CRPPA: variants seen among roughly 807,000 people sequenced by gnomAD.
CRPPA encodes D-ribitol-5-phosphate cytidylyltransferase.
A neutral mutation model predicts 52.0 loss-of-function variants in CRPPA; 43 were observed. The ratio of observed to expected loss-of-function variants is 0.83; its 90% CI spans 0.65 to 1.07. The LOEUF is 1.07. Among genes scored for constraint, CRPPA ranks in the 50% least tolerant of loss-of-function variants. CRPPA has a pLI of 0.00. For missense variants in CRPPA, 629 were observed against 551.7 expected (o/e 1.14, Z -1.40); for synonymous variants, 250 against 203.5 (o/e 1.23, Z -1.94).
At chr7:16,092,395 T>A (rs6960138) in intron 9 of CRPPA, among the ~76,000 whole-genome samples, 92,707 of 152,102 alleles carry the variant, frequency 0.61, 33,677 homozygotes, top group Non-Finnish European at 0.8. Context: ...ATCTTTCAGG[T>A]CTCTGTGTTG....
chr7:16,231,893 A>T (rs189194828), intron 8 of CRPPA, among the ~76,000 whole-genome samples: 1 of 152,318 alleles, frequency 6.6e-6, no homozygotes, highest in Non-Finnish European at 1.5e-5. Flanking sequence ...CTGTACATGT[A>T]CCCCATCCTA....
At chr7:16,108,769 C>T (rs1782203991) in intron 9 of CRPPA, among the ~76,000 whole-genome samples, 1 of 151,692 alleles carries the variant, frequency 6.6e-6, no homozygotes, top group South Asian at 2.1e-4. Context: ...TTTCTGACCA[C>T]ATAGTGTAAT....
intron 9 of CRPPA, among the ~76,000 whole-genome samples, chr7:16,145,237 G>A (rs73056352): frequency 0.071 from 10,797 of 152,234 alleles, 648 homozygotes; most frequent in South Asian, 0.3. Flanking sequence ...ACACTAATCT[G>A]TGCCCCTAGT....
At chr7:16,246,418 T>C (rs936373949) in intron 8 of CRPPA, among the ~76,000 whole-genome samples, 12 of 152,188 alleles carry the variant, frequency 7.9e-5, no homozygotes, top group Admixed American at 7.2e-4. Flanking sequence ...CCATGAGGTT[T>C]GGATTATGAC....
chr7:16,393,406 G>C (rs572448398), intron 2 of CRPPA, among the ~76,000 whole-genome samples: 6 of 152,206 alleles, frequency 3.9e-5, no homozygotes, highest in South Asian at 2.1e-4. Context: ...GACCAACAGC[G>C]TGGAAGAGAG....
chr7:16,285,750 C>T (rs1431361426), intron 5 of CRPPA, among the ~76,000 whole-genome samples: 3 of 151,440 alleles, frequency 2.0e-5, no homozygotes, highest in South Asian at 2.1e-4. Context: ...TGGCCAGGCG[C>T]GGTAGCTCAC....
intron 8 of CRPPA, among the ~76,000 whole-genome samples, chr7:16,224,396 T>C (rs934565730): frequency 6.6e-6 from 1 of 152,184 alleles, no homozygotes; most frequent in Non-Finnish European, 1.5e-5. Flanking sequence ...TTGCAGAGTC[T>C]ATGTTCACAA....
In CRPPA at chr7:16,286,078, TATAATATTTAAAAAAAAAA is replaced by T. The variant is rs1784436970; in HGVS notation, c.836-7871_836-7853del. 1.5e-4 allele frequency among the ~76,000 whole-genome samples: 3 copies of T among 19,356 alleles called. 1 individual carries two copies. Among genetic ancestry groups the T allele is most frequent in the African/African-American group, 9.1e-4 (2 of 2,192 alleles). 12.7% of individuals were successfully genotyped at this position (19,356 alleles called of 152,430 possible). A position where few individuals can be genotyped will look rare whatever the true frequency, so the allele number is the denominator to read the frequency against. On this transcript the variant is annotated intron_variant, in intron 5 of 9. Transcript: ENST00000407010. ...ATATATATATATATATATATATATA[TATAATATTTAAAAAAAAAA>T]ATATATATATATATATATATGCCAA...
rs573467114 is a variant in CRPPA at position 16,327,466 on chromosome 7, G to T, written c.685-18839C>A. ...AAATTAGCCGGGCGCGGTGGCGGGC[G>T]CCTGTAGTCCCAGCTACTCTGGAGG... On this transcript the variant is annotated intron_variant, in intron 3 of 9. Transcript: ENST00000407010. Among the ~76,000 whole-genome samples, 6 of 152,046 alleles carry T rather than the reference G, an allele frequency of 3.9e-5. No homozygotes were observed. The South Asian group carries it at 1.2e-3, about 32-fold the overall frequency.
intron 3 of CRPPA, among the ~76,000 whole-genome samples, chr7:16,346,641 G>A (rs998214328): frequency 8.5e-5 from 13 of 152,060 alleles, no homozygotes; most frequent in Admixed American, 6.6e-5. Flanking sequence ...GTAGAATAAT[G>A]TACTCACACC....
intron 9 of CRPPA, among the ~76,000 whole-genome samples, chr7:16,164,260 A>G (rs532670569): frequency 1.3e-5 from 2 of 152,132 alleles, no homozygotes; most frequent in South Asian, 4.2e-4. Flanking sequence ...CATTAAGTTG[A>G]TCTTCAGTCT....
intron 9 of CRPPA, among the ~76,000 whole-genome samples, chr7:16,115,319 A>G (rs1488975843): frequency 6.6e-6 from 1 of 152,194 alleles, no homozygotes; most frequent in South Asian, 2.1e-4. Context: ...TGAGTAAGAT[A>G]TATGTTAGAG....
chr7:16,172,550 T>C (rs1781211081), intron 9 of CRPPA, among the ~76,000 whole-genome samples: 1 of 152,196 alleles, frequency 6.6e-6, no homozygotes, highest in African/African-American at 2.4e-5. Flanking sequence ...GTTGCCAGTA[T>C]TGGAGTACTG....
chr7:16,307,264 C>G (rs1327709338), intron 4 of CRPPA, among the ~76,000 whole-genome samples: 1 of 152,120 alleles, frequency 6.6e-6, no homozygotes, highest in Non-Finnish European at 1.5e-5. Context: ...CTCCTATTTC[C>G]AAATGTCCTG....
intron 2 of CRPPA, among the ~76,000 whole-genome samples, chr7:16,388,416 T>C (rs537011817): frequency 3.3e-5 from 5 of 152,072 alleles, no homozygotes; most frequent in African/African-American, 4.8e-5. Context: ...TTGAGGAAAA[T>C]GTATAACTGT....
At chr7:16,301,390 C>T in intron 5 of CRPPA, 31 bp downstream of exon 5, 1 of 1,589,826 alleles carries the variant, frequency 6.3e-7, no homozygotes, top group Non-Finnish European at 8.6e-7. Context: ...TTTTGAAACA[C>T]AGGAACTGAC....
intron 6 of CRPPA, chr7:16,269,808 T>C (rs1784049401): frequency 1.3e-5 from 2 of 152,132 alleles, no homozygotes; most frequent in South Asian, 2.1e-4. Flanking sequence ...TACACACAAA[T>C]ACTTGACATA....
In CRPPA at chr7:16,298,820, T is replaced by C. The variant is rs115740178; in HGVS notation, c.835+2601A>G. ...AGCATCATCCAATCCACTGAGGTCC[T>C]GAACAGAACAAAAAGGCAAAGGAAA... On this transcript the variant is annotated intron_variant, in intron 5 of 9. Transcript: ENST00000407010. 6.8e-3 allele frequency among the ~76,000 whole-genome samples: 1,040 copies of C among 152,292 alleles called. 12 individuals carry two copies. The highest frequency in any genetic ancestry group is 0.023 in the African/African-American group (975 of 41,560).
At position 16,090,132 on chromosome 7, in the gene CRPPA, T is replaced by C. The variant is rs1781804431; in HGVS notation, c.*1563A>G. On this transcript the variant is annotated 3_prime_UTR_variant, in exon 10 of 10. Coordinates refer to ENST00000407010, the MANE Select transcript of CRPPA (RefSeq NM_001101426.4). ...TTCCATCCTCAAAAACTTAAATTAA[T>C]GGATTTTAAATTTCTTAATATTCCT... 6.6e-6 allele frequency: 1 copy of C among 152,130 alleles called. No individual in the cohort carries two copies. The highest frequency in any genetic ancestry group is 1.5e-5 in the Non-Finnish European group (1 of 68,036). 9.4% of individuals were successfully genotyped at this position (152,130 alleles called of 1,614,324 possible). A position where few individuals can be genotyped will look rare whatever the true frequency, so the allele number is the denominator to read the frequency against.
Sources: gnomAD v4.1 joint callset for allele counts (sites outside exome capture counted in the v4.1 genomes callset) on GRCh38, gnomAD v4.1.1 for gene constraint, MANE v1.5 for transcripts, NCBI Gene and HGNC (gene_info 2026-07-23, HGNC 2026-07-21) for gene names.